The following SLC47A1 variants were observed in gnomAD, a reference collection of about 807,000 sequenced individuals.
SLC47A1 encodes the protein solute carrier family 47 member 1, also known as multidrug and toxin extrusion protein 1.
A neutral mutation model predicts 65.8 loss-of-function variants in SLC47A1; 58 were observed. The observed-to-expected ratio is 0.88, with a 90% CI of 0.71 to 1.10. SLC47A1 has a LOEUF of 1.10. Among genes scored for constraint, SLC47A1 ranks in the 50% least tolerant of loss-of-function variants. SLC47A1 has a pLI of 0.00. For synonymous variants in SLC47A1, 285 were observed against 295.0 expected (o/e 0.97, Z 0.35); for missense variants, 706 against 719.2 (o/e 0.98, Z 0.21).
rs185181534 is a variant in SLC47A1 at position 19,567,288 on chromosome 17, G to A, written c.1309+60G>A. 6.2e-5 allele frequency: 99 copies of A among 1,607,594 alleles called. No homozygotes were observed. In the East Asian group the frequency reaches 1.6e-3, roughly 26 times the overall value. The stretch of plus-strand genomic sequence containing the variant: ...CTCACCAGCCCAGGAAATGACCGTC[G>A]GAGCACACGGGTCTTTGACTGAGGC... On this transcript the variant is annotated intron_variant, in intron 14 of 16. Coordinates refer to ENST00000270570, the MANE Select transcript of SLC47A1 (RefSeq NM_018242.3).
chr17:19,569,201 G>A (rs1434698461), intron 14 of SLC47A1, among the ~76,000 whole-genome samples: 3 of 151,672 alleles, frequency 2.0e-5, no homozygotes, highest in South Asian at 2.1e-4. Flanking sequence ...GCGAAACCCC[G>A]TCTCTACTAA....
In SLC47A1 at chr17:19,578,478, G is replaced by C. The variant is rs573490156; in HGVS notation, c.*925G>C. ...CCCAAAGTGTTGGGATTATAGGCAT[G>C]AGCCACCACGACTGGCCAGAGGACA... is the stretch of plus-strand genomic sequence containing the variant. On this transcript the variant is annotated 3_prime_UTR_variant, in exon 17 of 17. Coordinates refer to ENST00000270570, the MANE Select transcript of SLC47A1 (RefSeq NM_018242.3). 2 of 176,352 alleles carry C rather than the reference G, an allele frequency of 1.1e-5. No homozygotes were observed. The highest frequency in any genetic ancestry group is 3.6e-4 in the East Asian group (2 of 5,490). 10.9% of individuals were successfully genotyped at this position (176,352 alleles called of 1,614,324 possible).
At position 19,578,350 on chromosome 17, in the gene SLC47A1, C is replaced by T. The variant is rs1032944544; in HGVS notation, c.*797C>T. On this transcript the variant is annotated 3_prime_UTR_variant, in exon 17 of 17. Transcript: ENST00000270570. ...CCTCCTGAGTAGCTGAGACCACAGG[C>T]GTGTGCCACCACGCCTAGCTAATTT... The T allele has an allele frequency of 1.9e-5, 4 of 212,906 alleles. No individual in the cohort carries two copies. The highest frequency in any genetic ancestry group is 1.1e-4 in the South Asian group (2 of 17,520). 13.2% of individuals were successfully genotyped at this position (212,906 alleles called of 1,614,324 possible). A position where few individuals can be genotyped will look rare whatever the true frequency, so the allele number is the denominator to read the frequency against.
rs1916393179 is a variant in SLC47A1 at position 19,549,687 on chromosome 17, C to T, written c.498+10C>T. On this transcript the variant is annotated intron_variant, in intron 5 of 16. Transcript: ENST00000270570. ...CATTCCAGCTCTTCCTGTAAGTGCT[C>T]AAGGGCTAAGAGATTCCCTTCTTGG... The T allele has an allele frequency of 6.2e-7, 1 of 1,613,936 alleles. No homozygotes were observed. Among genetic ancestry groups the T allele is most frequent in the Non-Finnish European group, 8.5e-7 (1 of 1,179,932 alleles).
At chr17:19,571,653 G>A in intron 15 of SLC47A1, 81 bp downstream of exon 15, 2 of 1,074,740 alleles carry the variant, frequency 1.9e-6, no homozygotes, top group Non-Finnish European at 2.8e-6. Flanking sequence ...TTTTTCTTTT[G>A]GAAAGTTCTT....
At chr17:19,557,983 G>C (rs1198080502) in intron 10 of SLC47A1, 2 of 214,852 alleles carry the variant, frequency 9.3e-6, no homozygotes, top group African/African-American at 4.7e-5. Context: ...CTTTCCAATA[G>C]GCTTGTAAGA....
chr17:19,539,750 T>G (rs1031045073), intron 1 of SLC47A1, among the ~76,000 whole-genome samples: 1 of 152,084 alleles, frequency 6.6e-6, no homozygotes, highest in Non-Finnish European at 1.5e-5. Context: ...CCTCCCAAAG[T>G]GTTGAGATTA....
At chr17:19,554,773 C>T (rs1054411670) in intron 6 of SLC47A1, among the ~76,000 whole-genome samples, 24 of 152,150 alleles carry the variant, frequency 1.6e-4, no homozygotes, top group African/African-American at 5.6e-4. Flanking sequence ...GAATCCCTTC[C>T]GTATTCTAGA....
chr17:19,533,923 C>A lies in SLC47A1; in HGVS notation c.-17C>A. On this transcript the variant is annotated 5_prime_UTR_variant, in exon 1 of 17. Coordinates refer to ENST00000270570, the MANE Select transcript of SLC47A1 (RefSeq NM_018242.3). ...ACTGCCGGCCTCCGCGCTACCCGGC[C>A]GCAGCGCGCGAGTCACATGGAAGCT... is the stretch of plus-strand genomic sequence containing the variant. 1.4e-6 allele frequency: 2 copies of A among 1,467,438 alleles called. No individual in the cohort carries two copies. Among genetic ancestry groups the A allele is most frequent in the South Asian group, 1.3e-5 (1 of 78,466 alleles). 90.9% of individuals were successfully genotyped at this position (1,467,438 alleles called of 1,614,324 possible). A position where few individuals can be genotyped will look rare whatever the true frequency, so the allele number is the denominator to read the frequency against.
At position 19,577,442 on chromosome 17, in the gene SLC47A1, C is replaced by T. The variant is rs768626681; in HGVS notation, c.1602C>T (p.Gly534=). 17 of 1,614,032 alleles carry T rather than the reference C, an allele frequency of 1.1e-5. No homozygotes were observed. The highest frequency in any genetic ancestry group is 5.5e-5 in the South Asian group (5 of 91,086). Residue 534 remains glycine (G), a synonymous_variant, in exon 17 of 17, where the codon GGC becomes GGT. Transcript: ENST00000270570. ...CTTTGCCGGAACATCCACAGGACGG[C>T]GCTAAATTGTCCAGGAAACAGCTGG... is the stretch of plus-strand genomic sequence containing the variant. ...EEPLPEHPQD[G]AKLSRKQLVL...
intron 16 of SLC47A1, among the ~76,000 whole-genome samples, chr17:19,573,508 T>G (rs1338364740): frequency 6.6e-6 from 1 of 150,428 alleles, no homozygotes. Context: ...TAAATTAATT[T>G]TTTAAAATTA....
chr17:19,574,562 G>A (rs1331541630), intron 16 of SLC47A1, among the ~76,000 whole-genome samples: 1 of 152,186 alleles, frequency 6.6e-6, no homozygotes, highest in East Asian at 1.9e-4. Flanking sequence ...ATGATCTTCA[G>A]GGAAGGGTTG....
rs1282600279 is a variant in SLC47A1, at chr17:19,577,802, G to A, written c.*249G>A. On this transcript the variant is annotated 3_prime_UTR_variant, in exon 17 of 17. Coordinates refer to ENST00000270570, the MANE Select transcript of SLC47A1 (RefSeq NM_018242.3). ...TTCACCACTATCTGAACCAAGCAAG[G>A]ATCAATGTGCTGACTGCATTGGCCA... The A allele has an allele frequency of 3.4e-5, 45 of 1,340,766 alleles. No individual in the cohort carries two copies. The highest frequency in any genetic ancestry group is 1.7e-4 in the East Asian group (5 of 30,056). 83.1% of individuals were successfully genotyped at this position (1,340,766 alleles called of 1,614,324 possible).
rs138338417 is a variant in SLC47A1, at chr17:19,541,845, G to A, written c.136-548G>A. On this transcript the variant is annotated intron_variant, in intron 1 of 16. Transcript: ENST00000270570. The stretch of plus-strand genomic sequence containing the variant: ...ACTGAACTGAAAAACAGGAAAGGCA[G>A]GCTGGGCGCAGTGGCTCACGCCTGT... Among the ~76,000 whole-genome samples, 19 of 152,336 alleles carry A rather than the reference G, an allele frequency of 1.2e-4. No individual in the cohort carries two copies. In the East Asian group the frequency reaches 3.7e-3, roughly 29 times the overall value.
intron 10 of SLC47A1, 102 bp downstream of exon 10, chr17:19,556,164 G>C: frequency 1.5e-6 from 2 of 1,327,672 alleles, no homozygotes; most frequent in Non-Finnish European, 2.1e-6. Flanking sequence ...TGAATCATTT[G>C]TGAAATGATG....
Position 19,577,796 on chromosome 17 carries a change from A to G in SLC47A1, c.*243A>G, listed in dbSNP as rs1479147538. The G allele has an allele frequency of 7.4e-7, 1 of 1,348,810 alleles. No homozygotes were observed. The highest frequency in any genetic ancestry group is 1.5e-5 in the African/African-American group (1 of 67,842). 83.6% of individuals were successfully genotyped at this position (1,348,810 alleles called of 1,614,324 possible). The stretch of plus-strand genomic sequence containing the variant: ...TAGTAATTCACCACTATCTGAACCA[A>G]GCAAGGATCAATGTGCTGACTGCAT... On this transcript the variant is annotated 3_prime_UTR_variant, in exon 17 of 17. Transcript: ENST00000270570.
At chr17:19,539,873 A>C (rs920139528) in intron 1 of SLC47A1, among the ~76,000 whole-genome samples, 3 of 152,014 alleles carry the variant, frequency 2.0e-5, no homozygotes, top group Non-Finnish European at 4.4e-5. Context: ...CCAAGCGTTC[A>C]CCCAAAGGGC....
rs577473982 is a variant in SLC47A1, at chr17:19,566,707, G to A, written c.1107-83G>A. 5 of 1,305,938 alleles carry A rather than the reference G, an allele frequency of 3.8e-6. No homozygotes were observed. In the South Asian group the frequency reaches 6.1e-5, roughly 16 times the overall value. 80.9% of individuals were successfully genotyped at this position (1,305,938 alleles called of 1,614,324 possible). A position where few individuals can be genotyped will look rare whatever the true frequency, so the allele number is the denominator to read the frequency against. On this transcript the variant is annotated intron_variant, in intron 12 of 16. Coordinates refer to ENST00000270570, the MANE Select transcript of SLC47A1 (RefSeq NM_018242.3). The stretch of plus-strand genomic sequence containing the variant: ...CCCAAAGTGCTGAGATTACAGGCAT[G>A]AGCCACTGCGCCTAGCCAGAAAGCT...
chr17:19,577,243 G>A, intron 16 of SLC47A1, 84 bp from the exon 17 acceptor site: 1 of 1,540,546 alleles, frequency 6.5e-7, no homozygotes, highest in South Asian at 1.2e-5. Context: ...TCCACTATTA[G>A]CACATATTCC....
Sources: allele counts gnomAD v4.1 joint callset (sites outside exome capture counted in the v4.1 genomes callset), GRCh38; gene constraint gnomAD v4.1.1; transcripts MANE v1.5; gene names NCBI Gene and HGNC (gene_info 2026-07-23, HGNC 2026-07-21).